STXBP5L: variants seen among roughly 807,000 people sequenced by gnomAD.
STXBP5L encodes the protein syntaxin binding protein 5L, also known as syntaxin-binding protein 5-like.
Under a neutral mutation model 144.5 loss-of-function variants are expected in STXBP5L, and 65 were observed. That is an observed-to-expected ratio of 0.45 (90% CI 0.37 to 0.55). The LOEUF is 0.55. Among genes scored for constraint, STXBP5L ranks in the 20% least tolerant of loss-of-function variants. The probability of loss-of-function intolerance (pLI) is 0.00; values close to 1 mark genes in which losing one functional copy is unlikely to be tolerated. For synonymous variants in STXBP5L, 505 were observed against 469.6 expected (o/e 1.08, Z -0.97); for missense variants, 1,298 against 1,405.5 (o/e 0.92, Z 1.22).
chr3:121,092,145 C>G (rs936287493), intron 5 of STXBP5L, among the ~76,000 whole-genome samples: 3 of 152,100 alleles, frequency 2.0e-5, no homozygotes, highest in Non-Finnish European at 2.9e-5. Context: ...TGTTTTGGTA[C>G]CAGTACCATG....
intron 6 of STXBP5L, among the ~76,000 whole-genome samples, chr3:121,119,438 A>G (rs1179168122): frequency 6.6e-6 from 1 of 151,378 alleles, no homozygotes; most frequent in African/African-American, 2.4e-5. Context: ...AATATTTAAG[A>G]TATGGGAAGA....
At chr3:120,974,779 G>A (rs1940744419) in intron 3 of STXBP5L, among the ~76,000 whole-genome samples, 1 of 152,064 alleles carries the variant, frequency 6.6e-6, no homozygotes, top group Non-Finnish European at 1.5e-5. Flanking sequence ...AGTTTTCCCA[G>A]CACCATTTAT....
chr3:121,233,566 T>G (rs780212632), intron 11 of STXBP5L, 50 bp from the exon 12 acceptor site: 6 of 1,428,892 alleles, frequency 4.2e-6, no homozygotes, highest in Non-Finnish European at 5.7e-6. Flanking sequence ...TTTGCTGATT[T>G]TATAGTATAT....
chr3:120,910,680 A>G (rs1708786771), intron 2 of STXBP5L, among the ~76,000 whole-genome samples: 2 of 152,166 alleles, frequency 1.3e-5, no homozygotes, highest in African/African-American at 2.4e-5. Context: ...AAATACTTTC[A>G]CAAAAGAAAA....
Position 121,006,248 on chromosome 3 carries a change from C to T in STXBP5L, c.288-35452C>T, listed in dbSNP as rs150711696. 5.4e-3 allele frequency among the ~76,000 whole-genome samples: 827 copies of T among 152,194 alleles called. 12 individuals are homozygous for T. Among genetic ancestry groups the T allele is most frequent in the African/African-American group, 0.019 (792 of 41,518 alleles). The stretch of plus-strand genomic sequence containing the variant: ...AATCTGGGTGCCCCTGTATTGGGTG[C>T]ATATATATTTAGGATAGTTAGCTCT... On this transcript the variant is annotated intron_variant, in intron 3 of 26. Coordinates refer to ENST00000471454, the MANE Select transcript of STXBP5L (RefSeq NM_001308330.2).
intron 18 of STXBP5L, among the ~76,000 whole-genome samples, chr3:121,269,653 G>C (rs2050679260): frequency 6.6e-6 from 1 of 152,116 alleles, no homozygotes; most frequent in East Asian, 1.9e-4. Flanking sequence ...ATGTAGGTCT[G>C]CTGGTGAACT....
intron 10 of STXBP5L, among the ~76,000 whole-genome samples, chr3:121,215,776 G>C (rs1410166855): frequency 1.3e-5 from 2 of 152,130 alleles, no homozygotes; most frequent in African/African-American, 2.4e-5. Context: ...AAGTTCTCCT[G>C]GATAATATCC....
intron 18 of STXBP5L, among the ~76,000 whole-genome samples, chr3:121,269,769 A>C (rs924856220): frequency 6.6e-6 from 1 of 152,174 alleles, no homozygotes; most frequent in Non-Finnish European, 1.5e-5. Context: ...AGATGCCCCT[A>C]AGCTTTACTA....
intron 20 of STXBP5L, among the ~76,000 whole-genome samples, chr3:121,346,171 T>C (rs1265057014): frequency 6.6e-6 from 1 of 150,634 alleles, no homozygotes; most frequent in African/African-American, 2.4e-5. Flanking sequence ...GTTCTCATTG[T>C]TCAATTCCCA....
At chr3:121,238,898 G>T in intron 12 of STXBP5L, 73 bp from the exon 13 acceptor site, 5 of 1,370,462 alleles carry the variant, frequency 3.6e-6, no homozygotes, top group South Asian at 1.5e-5. Context: ...ACATTTTAGG[G>T]CTTACTTTAT....
intron 22 of STXBP5L, among the ~76,000 whole-genome samples, chr3:121,404,733 A>C (rs1199783725): frequency 6.6e-6 from 1 of 152,152 alleles, no homozygotes; most frequent in Non-Finnish European, 1.5e-5. Flanking sequence ...CTCAGGGACA[A>C]AGGATAATTT....
chr3:121,344,655 T>C (rs2044877022), intron 20 of STXBP5L, among the ~76,000 whole-genome samples: 1 of 151,936 alleles, frequency 6.6e-6, no homozygotes, highest in Non-Finnish European at 1.5e-5. Context: ...AAAATTGAAA[T>C]ATAGGAGGCA....
chr3:121,343,123 T>C (rs1334892355), intron 20 of STXBP5L, among the ~76,000 whole-genome samples: 6 of 152,298 alleles, frequency 3.9e-5, no homozygotes, highest in South Asian at 4.1e-4. Flanking sequence ...TTTCCTGTGT[T>C]TTTTGGCTGC....
intron 20 of STXBP5L, among the ~76,000 whole-genome samples, chr3:121,371,167 C>T (rs1560030655): frequency 1.3e-5 from 2 of 152,088 alleles, no homozygotes; most frequent in African/African-American, 4.8e-5. Context: ...AGTTGTTGTC[C>T]TTTGGATGAG....
At chr3:121,004,695 G>A (rs554716984) in intron 3 of STXBP5L, among the ~76,000 whole-genome samples, 9 of 152,220 alleles carry the variant, frequency 5.9e-5, no homozygotes, top group East Asian at 1.9e-4. Flanking sequence ...GTTTGTCATA[G>A]ATAGCTCTTC....
intron 9 of STXBP5L, among the ~76,000 whole-genome samples, chr3:121,195,665 C>A (rs79135852): frequency 1.3e-5 from 2 of 152,122 alleles, no homozygotes; most frequent in Non-Finnish European, 2.9e-5. Flanking sequence ...ACATTTTCTG[C>A]TTTAGTAAAC....
chr3:120,971,701 T>A (rs954196891), intron 3 of STXBP5L, among the ~76,000 whole-genome samples: 1 of 150,632 alleles, frequency 6.6e-6, no homozygotes, highest in Non-Finnish European at 1.5e-5. Flanking sequence ...ATAAGCACCA[T>A]GGAATAATAC....
intron 7 of STXBP5L, among the ~76,000 whole-genome samples, chr3:121,124,716 A>G (rs544676147): frequency 1.3e-5 from 2 of 152,206 alleles, no homozygotes; most frequent in East Asian, 1.9e-4. Context: ...AACTGAAAAT[A>G]TAGACAAATT....
chr3:121,176,309 A>G (rs984083991), intron 9 of STXBP5L, among the ~76,000 whole-genome samples: 43 of 152,000 alleles, frequency 2.8e-4, no homozygotes, highest in African/African-American at 9.7e-4. Flanking sequence ...ATCTAAAATC[A>G]GTAAGCAAGG....
Sources: gnomAD v4.1 joint callset for allele counts (sites outside exome capture counted in the v4.1 genomes callset) on GRCh38, gnomAD v4.1.1 for gene constraint, MANE v1.5 for transcripts, NCBI Gene and HGNC (gene_info 2026-07-23, HGNC 2026-07-21) for gene names.